Variants in SLC38A3 observed in about 807,000 individuals in gnomAD.
SLC38A3 encodes solute carrier family 38 member 3.
A neutral mutation model predicts 59.5 loss-of-function variants in SLC38A3; 17 were observed. That is an observed-to-expected ratio of 0.29 (90% confidence interval 0.20 to 0.43). SLC38A3 has a LOEUF of 0.43. Among genes scored for constraint, SLC38A3 ranks in the 20% least tolerant of loss-of-function variants. The pLI is 1.00. For missense variants in SLC38A3, 454 were observed against 653.9 expected, an observed-to-expected ratio of 0.69 and a Z score of 3.33; for synonymous variants, 238 against 260.3, an observed-to-expected ratio of 0.91 and a Z score of 0.82.
In SLC38A3 at chr3:50,215,421, A is replaced by G; in HGVS notation, c.335A>G (p.Tyr112Cys). Reference protein sequence around the residue: ...LLTAVALLSSYSIHLLLKSSG... With the variant: ...LLTAVALLSSCSIHLLLKSSG... ...ACAGCTGTCGCCTTGCTCTCCAGCTACTCCATCCACCTGCTACTCAAGTCC... is the reference window on the plus strand; with the variant it reads ...ACAGCTGTCGCCTTGCTCTCCAGCTGCTCCATCCACCTGCTACTCAAGTCC... Residue 112 changes from tyrosine to cysteine, a missense_variant, in exon 5 of 16, where the codon TAC becomes TGC. Tyr to Cys is a radical substitution (Grantham distance 194). Transcript: ENST00000614032. The surrounding 1 kb of genome is among the most constrained non-coding windows in gnomAD (Gnocchi z 7.1). 1 of 1,613,532 alleles carries G rather than the reference A, an allele frequency of 6.2e-7. No individual in the cohort carries two copies. The highest frequency in any genetic ancestry group is 8.5e-7 in the Non-Finnish European group (1 of 1,179,778).
chr3:50,220,530 G>A lies in SLC38A3; in HGVS notation c.*353G>A, dbSNP rs1699882705. On this transcript the variant is annotated 3_prime_UTR_variant, in exon 16 of 16. Coordinates refer to ENST00000614032, the MANE Select transcript of SLC38A3 (RefSeq NM_006841.6). ...GACACAGCCTGTAGGAACATACACA[G>A]CTGGGATCAGCCTGCAGCCATCCCC... 1.8e-5 allele frequency: 5 copies of A among 285,554 alleles called. No individual in the cohort carries two copies. The South Asian group carries it at 2.2e-4, about 13-fold the overall frequency. The allele number at this position is 285,554 out of a possible 1,614,324, so 17.7% of individuals were successfully genotyped here. A position where few individuals can be genotyped will look rare whatever the true frequency, so the allele number is the denominator to read the frequency against.
rs780097761 is a variant in SLC38A3, at chr3:50,217,312, G to A, written c.623G>A (p.Arg208Gln). 9.3e-6 allele frequency: 15 copies of A among 1,613,322 alleles called. No individual in the cohort carries two copies. Among genetic ancestry groups the A allele is most frequent in the Admixed American group, 3.3e-5 (2 of 59,918 alleles). The change falls in exon 8 of 16, where the codon CGG becomes CAG. Residue 208 changes from arginine (R) to glutamine (Q), a missense_variant. Physicochemically the swap from Arg to Gln is conservative, Grantham distance 43. Coordinates refer to ENST00000614032, the MANE Select transcript of SLC38A3 (RefSeq NM_006841.6). This position sits in a 1 kb window ranked among gnomAD's most constrained non-coding sequence, Gnocchi z 4.9. The part of the protein sequence containing the change: ...VTIILPLALM[R>Q]QLGYLGYSSG... Reference sequence around the variant, plus strand: ...ATCATTCTGCCCCTGGCACTGATGCGGCAGCTTGGTGAGTGTGGAAGGGTC... The same window carrying A: ...ATCATTCTGCCCCTGGCACTGATGCAGCAGCTTGGTGAGTGTGGAAGGGTC...
intron 1 of SLC38A3, among the ~76,000 whole-genome samples, chr3:50,210,616 G>T (rs1281661975): frequency 6.6e-6 from 1 of 152,212 alleles, no homozygotes; most frequent in African/African-American, 2.4e-5. Context: ...CAGCCGCCCT[G>T]AAGTGGCCTG....
Position 50,220,207 on chromosome 3 carries a change from C to T in SLC38A3, c.*30C>T. 1.3e-6 allele frequency: 2 copies of T among 1,505,254 alleles called. No homozygotes were observed. Among genetic ancestry groups the T allele is most frequent in the Non-Finnish European group, 1.8e-6 (2 of 1,104,538 alleles). 93.2% of individuals were successfully genotyped at this position (1,505,254 alleles called of 1,614,324 possible). On this transcript the variant is annotated 3_prime_UTR_variant, in exon 16 of 16. Coordinates refer to ENST00000614032, the MANE Select transcript of SLC38A3 (RefSeq NM_006841.6). ...ACCCTCATCCTGTTCTGTCTACTCA[C>T]CCTAGCAGCCCTGCCCAGACTCTTC...
Position 50,214,035 on chromosome 3 carries a change from G to C in SLC38A3, c.-51-114G>C, listed in dbSNP as rs1387945578. 7.9e-6 allele frequency: 5 copies of C among 632,670 alleles called. No individual in the cohort carries two copies. In the Admixed American group the frequency reaches 1.4e-4, roughly 17 times the overall value. The allele number at this position is 632,670 out of a possible 1,614,324, so 39.2% of individuals were successfully genotyped here. ...AGGCAGTAGGCAGAGCTGCATGTGTGGATATGCCCCGAGTGACCATCTGGG... is the reference window on the plus strand; with the variant it reads ...AGGCAGTAGGCAGAGCTGCATGTGTCGATATGCCCCGAGTGACCATCTGGG... On this transcript the variant is annotated intron_variant, in intron 1 of 15. Transcript: ENST00000614032. The surrounding 1 kb of genome is among the most constrained non-coding windows in gnomAD (Gnocchi z 6.0).
intron 1 of SLC38A3, among the ~76,000 whole-genome samples, chr3:50,206,201 G>C (rs1276798042): frequency 6.6e-6 from 1 of 152,292 alleles, no homozygotes; most frequent in Non-Finnish European, 1.5e-5. Context: ...GGGACCTGCG[G>C]GGACCCGCCC....
In SLC38A3 at chr3:50,205,342, A is replaced by C. The variant is rs1699629696; in HGVS notation, c.-58A>C. The stretch of plus-strand genomic sequence containing the variant: ...GGAGCGCCGCACGTTCCCAACCGCG[A>C]GGCCAGGTACCGCTTCGGGAGTTCA... On this transcript the variant is annotated 5_prime_UTR_variant, in exon 1 of 16. Coordinates refer to ENST00000614032, the MANE Select transcript of SLC38A3 (RefSeq NM_006841.6). The C allele has an allele frequency of 6.6e-6, 1 of 150,466 alleles. No homozygotes were observed. Among genetic ancestry groups the C allele is most frequent in the African/African-American group, 2.5e-5 (1 of 40,540 alleles). The allele number at this position is 150,466 out of a possible 1,614,324, so 9.3% of individuals were successfully genotyped here. A position where few individuals can be genotyped will look rare whatever the true frequency, so the allele number is the denominator to read the frequency against.
At chr3:50,212,181 C>CA (rs759568812) in intron 1 of SLC38A3, among the ~76,000 whole-genome samples, 7 of 152,248 alleles carry the variant, frequency 4.6e-5, no homozygotes, top group Non-Finnish European at 7.3e-5. Context: ...GCCCATGCCA[C>CA]AGACTGTGGT....
rs909309533 is a variant in SLC38A3 at position 50,218,470 on chromosome 3, G to A, written c.1036+100G>A. On this transcript the variant is annotated intron_variant, in intron 12 of 15. Transcript: ENST00000614032. The surrounding 1 kb of genome is among the most constrained non-coding windows in gnomAD (Gnocchi z 5.8). ...ATACCGAGGCGTGTGGTGCCTGGCTGTGCCTTGCCGCTGTGGAGGTGAGTC... is the reference window on the plus strand; with the variant it reads ...ATACCGAGGCGTGTGGTGCCTGGCTATGCCTTGCCGCTGTGGAGGTGAGTC... 1.3e-6 allele frequency: 2 copies of A among 1,551,394 alleles called. No homozygotes were observed. Among genetic ancestry groups the A allele is most frequent in the Non-Finnish European group, 8.9e-7 (1 of 1,127,652 alleles).
rs1699888924 is a variant in SLC38A3 at position 50,221,071 on chromosome 3, C to A, written c.*894C>A. Reference sequence around the variant, plus strand: ...GGATGGTGATGGAGGGCCCCCGTCTCCTTGTCTGGGATGAGGGTGGGGACA... The same window carrying A: ...GGATGGTGATGGAGGGCCCCCGTCTACTTGTCTGGGATGAGGGTGGGGACA... On this transcript the variant is annotated 3_prime_UTR_variant, in exon 16 of 16. Transcript: ENST00000614032. The A allele has an allele frequency of 6.6e-6, 1 of 152,284 alleles. No homozygotes were observed. The highest frequency in any genetic ancestry group is 1.5e-5 in the Non-Finnish European group (1 of 68,088). 9.4% of individuals were successfully genotyped at this position (152,284 alleles called of 1,614,324 possible). A position where few individuals can be genotyped will look rare whatever the true frequency, so the allele number is the denominator to read the frequency against.
chr3:50,213,432 G>A (rs1189146640), intron 1 of SLC38A3, among the ~76,000 whole-genome samples: 1 of 152,186 alleles, frequency 6.6e-6, no homozygotes, highest in Non-Finnish European at 1.5e-5. Flanking sequence ...TTCCTGGAAG[G>A]CCCCCTGAGG....
intron 14 of SLC38A3, among the ~76,000 whole-genome samples, chr3:50,219,569 C>G (rs991320968): frequency 2.0e-5 from 3 of 152,216 alleles, no homozygotes; most frequent in Non-Finnish European, 2.9e-5. Flanking sequence ...AACGGAGAAG[C>G]CTTCAAGTAT....
At chr3:50,208,694 G>A (rs1192671416) in intron 1 of SLC38A3, among the ~76,000 whole-genome samples, 7 of 152,256 alleles carry the variant, frequency 4.6e-5, no homozygotes, top group South Asian at 2.1e-4. Flanking sequence ...ATGTCTGTCC[G>A]CTATCTGCAT....
rs1427317814 is a variant in SLC38A3, at chr3:50,215,450, G to A, written c.364G>A (p.Gly122Arg). The change falls in exon 5 of 16, where the codon GGG becomes AGG. Residue 122 changes from glycine (G) to arginine (R), a missense_variant. Coordinates refer to ENST00000614032, the MANE Select transcript of SLC38A3 (RefSeq NM_006841.6). The surrounding 1 kb of genome is among the most constrained non-coding windows in gnomAD (Gnocchi z 7.1). ...YSIHLLLKSS[G>R]VVGIRAYEQL... ...CATCCACCTGCTACTCAAGTCCTCA[G>A]GGGTCGTGGGTGAGCCTCACACCAG... 6.2e-7 allele frequency: 1 copy of A among 1,614,016 alleles called. No homozygotes were observed. The highest frequency in any genetic ancestry group is 8.5e-7 in the Non-Finnish European group (1 of 1,179,884).
intron 1 of SLC38A3, among the ~76,000 whole-genome samples, chr3:50,208,435 G>C (rs1409960326): frequency 6.6e-6 from 1 of 151,922 alleles, no homozygotes; most frequent in Non-Finnish European, 1.5e-5. Context: ...GATAATTTTT[G>C]TATTTTTAGT....
chr3:50,216,165 G>A (rs1490407130), intron 7 of SLC38A3, among the ~76,000 whole-genome samples: 1 of 151,910 alleles, frequency 6.6e-6, no homozygotes, highest in Non-Finnish European at 1.5e-5. Flanking sequence ...CCATGGGGTT[G>A]CCCCCCCCAA....
rs1437927688 is a variant in SLC38A3 at position 50,217,691 on chromosome 3, T to G, written c.706T>G (p.Phe236Val). 1 of 1,613,910 alleles carries G rather than the reference T, an allele frequency of 6.2e-7. No homozygotes were observed. Among genetic ancestry groups the G allele is most frequent in the Non-Finnish European group, 8.5e-7 (1 of 1,179,872 alleles). ...FFLIAVIYKK[F>V]HVPCPLPPNF... ...CCCACTCCAGGTCATCTACAAAAAG[T>G]TCCACGTGCCCTGCCCACTGCCCCC... Residue 236 changes from phenylalanine (F) to valine (V), a missense_variant, in exon 10 of 16, where the codon TTC becomes GTC. Around this residue, in one of 3 missense-constraint regions of SLC38A3, gnomAD observed 390 missense variants for 557.9 expected, o/e 0.70. Transcript: ENST00000614032. This position sits in a 1 kb window ranked among gnomAD's most constrained non-coding sequence, Gnocchi z 4.9.
rs1244341698 is a variant in SLC38A3, at chr3:50,218,827, G to C, written c.1185G>C (p.Met395Ile). Residue 395 changes from methionine (M) to isoleucine (I), a missense_variant, in exon 14 of 16, where the codon ATG (methionine) becomes ATC (isoleucine). Physicochemically the swap from Met to Ile is conservative, Grantham distance 10. Coordinates refer to ENST00000614032, the MANE Select transcript of SLC38A3 (RefSeq NM_006841.6). The surrounding 1 kb of genome is among the most constrained non-coding windows in gnomAD (Gnocchi z 5.8). ...LFPVRRAIQQMLFPNQEFSWL... is the reference protein window; with the variant it reads ...LFPVRRAIQQILFPNQEFSWL... ...AGGTGCGCCGCGCCATCCAGCAGATGCTGTTTCCAAACCAGGAGTTCAGCT... is the reference window on the plus strand; with the variant it reads ...AGGTGCGCCGCGCCATCCAGCAGATCCTGTTTCCAAACCAGGAGTTCAGCT... 1 of 1,611,850 alleles carries C rather than the reference G, an allele frequency of 6.2e-7. No individual in the cohort carries two copies. Among genetic ancestry groups the C allele is most frequent in the Non-Finnish European group, 8.5e-7 (1 of 1,178,164 alleles).
At position 50,214,439 on chromosome 3, in the gene SLC38A3, A is replaced by T; in HGVS notation, c.139A>T (p.Ser47Cys). ...DPARSCMEGK[S>C]FLQKSPSKEP... ...TGCACGGAGCTGTATGGAGGGCAAG[A>T]GCTTCCTACAGAAAAGTCCCAGCAA... Residue 47 changes from serine (S) to cysteine (C), a missense_variant, in exon 3 of 16, where the codon AGC (serine) becomes TGC (cysteine). By Grantham distance (112) the Ser-to-Cys change is moderately radical (BLOSUM62 -1). Coordinates refer to ENST00000614032, the MANE Select transcript of SLC38A3 (RefSeq NM_006841.6). This position sits in a 1 kb window ranked among gnomAD's most constrained non-coding sequence, Gnocchi z 6.0. 6.3e-7 allele frequency: 1 copy of T among 1,576,676 alleles called. No homozygotes were observed. Among genetic ancestry groups the T allele is most frequent in the Non-Finnish European group, 8.6e-7 (1 of 1,161,350 alleles).
Sources: allele counts gnomAD v4.1 joint callset (sites outside exome capture counted in the v4.1 genomes callset), GRCh38; gene constraint gnomAD v4.1.1; regional missense constraint gnomAD v4.1.1; non-coding constraint Gnocchi (gnomAD v3.1); transcripts MANE v1.5; gene names NCBI Gene and HGNC (gene_info 2026-07-23, HGNC 2026-07-21).